The following CFAP96 variants were observed in gnomAD, a reference collection of about 807,000 sequenced individuals.
The protein encoded by CFAP96 is cilia and flagella associated protein 96.
chr4:185,421,878 C>T, the CFAP96 span, among the ~76,000 whole-genome samples: 1 of 152,224 alleles, frequency 6.6e-6, no homozygotes, highest in Non-Finnish European at 1.5e-5. Context: ...TCTGACCACA[C>T]TCTTCTAAAT....
chr4:185,425,500 G>C, the CFAP96 span, among the ~76,000 whole-genome samples: 1 of 152,172 alleles, frequency 6.6e-6, no homozygotes, highest in Non-Finnish European at 1.5e-5. Context: ...AGAGAAACCA[G>C]GGGAGGGAAA....
At chr4:185,433,413 AGAAAAG>A in the CFAP96 span, among the ~76,000 whole-genome samples, 2 of 6,806 alleles carry the variant, frequency 2.9e-4, no homozygotes, top group Non-Finnish European at 8.3e-4. Flanking sequence ...AAAAAAAAAA[AGAAAAG>A]AAAAGTAATG....
chr4:185,420,278 A>G, the CFAP96 span, among the ~76,000 whole-genome samples: 4 of 152,072 alleles, frequency 2.6e-5, no homozygotes, highest in African/African-American at 9.7e-5. Flanking sequence ...TTTAAAAAAT[A>G]TGTTTGAATA....
chr4:185,447,275 G>A, the CFAP96 span, among the ~76,000 whole-genome samples: 9 of 151,644 alleles, frequency 5.9e-5, no homozygotes, highest in African/African-American at 1.2e-4. Flanking sequence ...TCCACCTGCC[G>A]GGTTCACGCC....
the CFAP96 span, chr4:185,445,645 C>A: frequency 1.4e-6 from 1 of 738,006 alleles, no homozygotes. Context: ...TCAATTTTAT[C>A]CAGGTTTTGC....
chr4:185,445,160 C>A, the CFAP96 span: 46 of 1,524,556 alleles, frequency 3.0e-5, no homozygotes, highest in South Asian at 3.4e-4. Context: ...AGCTTACAAA[C>A]TAAGAAAAAA....
the CFAP96 span, among the ~76,000 whole-genome samples, chr4:185,430,806 G>A: frequency 4.6e-5 from 7 of 151,954 alleles, no homozygotes; most frequent in East Asian, 3.9e-4. Context: ...GGGAGGCTGC[G>A]GCAGGAAGTT....
At chr4:185,428,997 G>A in the CFAP96 span, among the ~76,000 whole-genome samples, 2 of 152,174 alleles carry the variant, frequency 1.3e-5, no homozygotes, top group African/African-American at 4.8e-5. Context: ...AATCTACCCT[G>A]AACTTCTCAA....
At chr4:185,435,940 C>A in the CFAP96 span, 3 of 815,690 alleles carry the variant, frequency 3.7e-6, no homozygotes, top group Non-Finnish European at 3.6e-6. Context: ...TTAAAACTAG[C>A]ATTTTTTTCT....
the CFAP96 span, among the ~76,000 whole-genome samples, chr4:185,410,747 C>T: frequency 2.6e-5 from 4 of 151,732 alleles, no homozygotes; most frequent in Non-Finnish European, 4.4e-5. Flanking sequence ...GAGTTTGAGA[C>T]CAGCCTGGCC....
the CFAP96 span, chr4:185,445,524 T>C: frequency 6.3e-6 from 10 of 1,577,812 alleles, no homozygotes; most frequent in Middle Eastern, 1.7e-4. Flanking sequence ...GAGAGTTCTG[T>C]CTTTAACTTT....
chr4:185,441,302 C>CT, the CFAP96 span, among the ~76,000 whole-genome samples: 552 of 151,600 alleles, frequency 3.6e-3, 4 homozygotes, highest in South Asian at 0.015. Context: ...TTAGTCAATA[C>CT]TTTTTTTTTC....
chr4:185,432,628 C>T, the CFAP96 span, among the ~76,000 whole-genome samples: 640 of 151,980 alleles, frequency 4.2e-3, 4 homozygotes, highest in Non-Finnish European at 6.5e-3. Flanking sequence ...TTTTGGAGGC[C>T]GAGCTAGGAG....
the CFAP96 span, chr4:185,440,459 T>G: frequency 1.2e-6 from 1 of 860,232 alleles, no homozygotes; most frequent in Non-Finnish European, 1.7e-6. Flanking sequence ...ATATTTATAT[T>G]AAAATGTAAA....
chr4:185,437,958 C>T, the CFAP96 span, among the ~76,000 whole-genome samples: 4 of 151,982 alleles, frequency 2.6e-5, no homozygotes, highest in Non-Finnish European at 4.4e-5. Flanking sequence ...TGTTGTCATG[C>T]TCATTTTTGT....
At chr4:185,426,333 G>A in the CFAP96 span, 1 of 158,036 alleles carries the variant, frequency 6.3e-6, no homozygotes, top group Non-Finnish European at 1.4e-5. Flanking sequence ...TGGACAAGCT[G>A]GGGCAACCTG....
chr4:185,413,259 G>A, the CFAP96 span, among the ~76,000 whole-genome samples: 1 of 152,106 alleles, frequency 6.6e-6, no homozygotes, highest in African/African-American at 2.4e-5. Flanking sequence ...GTGGTGGCAG[G>A]TGCCTGTAAC....
chr4:185,436,478 G>A, the CFAP96 span: 5 of 658,660 alleles, frequency 7.6e-6, no homozygotes, highest in African/African-American at 1.8e-5. Flanking sequence ...TGGGGTGGCC[G>A]AGATGGGCGG....
the CFAP96 span, among the ~76,000 whole-genome samples, chr4:185,447,386 T>C: frequency 6.6e-6 from 1 of 152,068 alleles, no homozygotes; most frequent in Non-Finnish European, 1.5e-5. Flanking sequence ...TTCACTGTGT[T>C]AGCCAGGATG....
Sources: allele counts gnomAD v4.1 joint callset (sites outside exome capture counted in the v4.1 genomes callset), GRCh38; gene constraint gnomAD v4.1.1; transcripts MANE v1.5; gene names NCBI Gene and HGNC (gene_info 2026-07-23, HGNC 2026-07-21).